The following RBFOX3 variants were observed in gnomAD, a reference collection of about 807,000 sequenced individuals.
RBFOX3 encodes the protein RNA binding protein fox-1 homolog 3.
Under a neutral mutation model 48.7 loss-of-function variants are expected in RBFOX3, and 17 were observed. That is an observed-to-expected ratio of 0.35 (90% CI 0.24 to 0.52). The LOEUF is 0.52. Ranked by LOEUF, RBFOX3 falls within the 20% of genes least tolerant of loss-of-function variation. The probability of loss-of-function intolerance (pLI) is 0.94; values close to 1 mark genes in which losing one functional copy is unlikely to be tolerated. For missense variants in RBFOX3, 382 were observed against 497.5 expected (o/e 0.77, Z 2.21); for synonymous variants, 212 against 209.5 (o/e 1.01, Z -0.10).
intron 2 of RBFOX3, among the ~76,000 whole-genome samples, chr17:79,320,253 G>A (rs1453737498): frequency 2.0e-5 from 3 of 152,154 alleles, no homozygotes; most frequent in Non-Finnish European, 2.9e-5. Context: ...GCATGGAGCC[G>A]CTCTTGGTGC....
At chr17:79,346,402 C>T (rs575802984) in intron 2 of RBFOX3, among the ~76,000 whole-genome samples, 8 of 152,166 alleles carry the variant, frequency 5.3e-5, no homozygotes, top group Non-Finnish European at 1.2e-4. Flanking sequence ...CTACCTCTAA[C>T]ATAACCAAAG....
chr17:79,097,668 T>TACCCC, intron 10 of RBFOX3, 24 bp downstream of exon 10: 1 of 1,010,928 alleles, frequency 9.9e-7, no homozygotes, highest in Non-Finnish European at 1.4e-6. Context: ...TCTCATCCCA[T>TACCCC]CCCCGCCCCG....
chr17:79,662,132 C>CTTTTTTTTTTTT, the RBFOX3 span, among the ~76,000 whole-genome samples: 65,130 of 96,506 alleles, frequency 0.67, 26,470 homozygotes, highest in Non-Finnish European at 0.83. Flanking sequence ...CCTGTTTATT[C>CTTTTTTTTTTTT]TTTTTTTTTT....
intron 1 of RBFOX3, among the ~76,000 whole-genome samples, chr17:79,555,502 G>A (rs982578436): frequency 2.8e-5 from 4 of 141,098 alleles, no homozygotes; most frequent in Admixed American, 2.1e-4. Context: ...AGTGGTGGTG[G>A]TGGTGGTGAT....
intron 5 of RBFOX3, among the ~76,000 whole-genome samples, chr17:79,113,872 G>A (rs2032960122): frequency 6.7e-6 from 1 of 148,786 alleles, no homozygotes; most frequent in Admixed American, 6.7e-5. Context: ...GCCGAGTGAA[G>A]GAAGACTTTA....
chr17:79,261,180 A>C (rs1600273806), intron 3 of RBFOX3, among the ~76,000 whole-genome samples: 1 of 151,820 alleles, frequency 6.6e-6, no homozygotes, highest in South Asian at 2.1e-4. Flanking sequence ...TGTTCCCCCA[A>C]CTGCCCATCT....
chr17:79,276,769 C>T (rs543996267), intron 3 of RBFOX3, among the ~76,000 whole-genome samples: 3 of 152,266 alleles, frequency 2.0e-5, no homozygotes, highest in South Asian at 2.1e-4. Flanking sequence ...GCTGCTGCAC[C>T]GGCCAGGCAT....
chr17:79,262,837 G>C (rs1241484264), intron 3 of RBFOX3, among the ~76,000 whole-genome samples: 2 of 152,272 alleles, frequency 1.3e-5, no homozygotes, highest in East Asian at 3.9e-4. Flanking sequence ...GAGCACTGGG[G>C]CAGCCCCAAT....
the RBFOX3 span, among the ~76,000 whole-genome samples, chr17:79,659,032 C>T: frequency 1.3e-5 from 2 of 152,124 alleles, no homozygotes; most frequent in Admixed American, 6.5e-5. Context: ...TGGCAATGCT[C>T]CTCCTAGTGG....
At chr17:79,333,742 G>A (rs2080762567) in intron 2 of RBFOX3, among the ~76,000 whole-genome samples, 1 of 152,078 alleles carries the variant, frequency 6.6e-6, no homozygotes, top group Admixed American at 6.5e-5. Flanking sequence ...GTTCAGCAAG[G>A]GCTGAGTCTC....
the RBFOX3 span, among the ~76,000 whole-genome samples, chr17:79,620,401 GCA>G: frequency 5.7e-5 from 8 of 141,442 alleles, no homozygotes; most frequent in African/African-American, 1.1e-4. Context: ...ATGCCCACAT[GCA>G]CACACACGGA....
the RBFOX3 span, among the ~76,000 whole-genome samples, chr17:79,664,348 TA>T: frequency 6.4e-4 from 86 of 135,028 alleles, no homozygotes; most frequent in Non-Finnish European, 1.0e-3. Flanking sequence ...CTAATTTTTG[TA>T]TTTTTTTTTT....
In RBFOX3 at chr17:79,482,175, C is replaced by T. The variant is rs1262758278; in HGVS notation, c.-175+279G>A. On this transcript the variant is annotated intron_variant, in intron 2 of 14. Transcript: ENST00000693108. This position sits in a 1 kb window ranked among gnomAD's most constrained non-coding sequence, Gnocchi z 4.1. The stretch of plus-strand genomic sequence containing the variant: ...CAGTGGACCCCACACCCCGCCCACC[C>T]TCCTTCCAGGACTAACTGCCCCGCA... 6.6e-6 allele frequency among the ~76,000 whole-genome samples: 1 copy of T among 152,128 alleles called. No homozygotes were observed.
chr17:79,123,873 C>T (rs2036447428), intron 4 of RBFOX3, among the ~76,000 whole-genome samples: 1 of 152,182 alleles, frequency 6.6e-6, no homozygotes, highest in African/African-American at 2.4e-5. Context: ...TGTCCACTGC[C>T]TCGCGGCCAT....
At chr17:79,101,737 C>T in intron 8 of RBFOX3, 93 bp from the exon 9 acceptor site, 1 of 1,104,716 alleles carries the variant, frequency 9.1e-7, no homozygotes. Flanking sequence ...CCGTTAGCCC[C>T]CGGCACCCCC....
intron 4 of RBFOX3, among the ~76,000 whole-genome samples, chr17:79,165,637 T>C (rs376312841): frequency 1.3e-5 from 2 of 152,224 alleles, no homozygotes; most frequent in Admixed American, 6.5e-5. Context: ...AAATTCTGGC[T>C]TCGCCGGCCG....
chr17:79,453,231 T>C (rs1346832512), intron 2 of RBFOX3, among the ~76,000 whole-genome samples: 4 of 152,244 alleles, frequency 2.6e-5, no homozygotes, highest in Non-Finnish European at 2.9e-5. Flanking sequence ...CCAGCGGCCA[T>C]GCTGGCCACA....
At chr17:79,467,026 C>T (rs1026111558) in intron 2 of RBFOX3, among the ~76,000 whole-genome samples, 1 of 152,226 alleles carries the variant, frequency 6.6e-6, no homozygotes, top group African/African-American at 2.4e-5. Flanking sequence ...ATGACACATG[C>T]CATATGCATG....
rs2075562243 is a variant in RBFOX3 at position 79,097,486 on chromosome 17, T to TCCCCGTACACCTAGCCC, written c.623-79_623-63dup. On this transcript the variant is annotated intron_variant, in intron 10 of 14. Transcript: ENST00000693108. ...ACAAGGGGACCCACCTGGCACCCCCTCCCCGTACACCTAGCCCCCCCGCGC... is the reference window on the plus strand; with the variant it reads ...ACAAGGGGACCCACCTGGCACCCCCTCCCCGTACACCTAGCCCCCCCGTACACCTAGCCCCCCCGCGC... The TCCCCGTACACCTAGCCC allele has an allele frequency of 3.2e-6, 4 of 1,238,910 alleles. No individual in the cohort carries two copies. In the South Asian group the frequency reaches 8.6e-5, roughly 27 times the overall value. 76.7% of individuals were successfully genotyped at this position (1,238,910 alleles called of 1,614,324 possible).
Sources: gnomAD v4.1 joint callset for allele counts (sites outside exome capture counted in the v4.1 genomes callset) on GRCh38, gnomAD v4.1.1 for gene constraint, Gnocchi (gnomAD v3.1) non-coding constraint, MANE v1.5 for transcripts, NCBI Gene and HGNC (gene_info 2026-07-23, HGNC 2026-07-21) for gene names.